COL27A1: variants seen among roughly 807,000 people sequenced by gnomAD.
The protein encoded by COL27A1 is collagen type XXVII alpha 1 chain, also known as collagen alpha-1(XXVII) chain.
In COL27A1, 106 loss-of-function variants were observed where a neutral mutation model predicts 251.3. That is an observed-to-expected ratio of 0.42 (90% CI 0.36 to 0.50). COL27A1 has a LOEUF of 0.50. Among genes scored for constraint, COL27A1 ranks in the 20% least tolerant of loss-of-function variants. COL27A1 has a pLI of 0.00. For synonymous variants in COL27A1, 1,000 were observed against 986.3 expected (o/e 1.01, Z -0.26); for missense variants, 2,325 against 2,522.8 (o/e 0.92, Z 1.68).
At chr9:114,163,727 G>T (rs747984623) in intron 2 of COL27A1, among the ~76,000 whole-genome samples, 1 of 152,218 alleles carries the variant, frequency 6.6e-6, no homozygotes, top group Non-Finnish European at 1.5e-5. Flanking sequence ...CCCTGGGAGG[G>T]CAGGGCTGTG....
At chr9:114,209,645 C>T (rs199799157) in intron 10 of COL27A1, 30 bp from the exon 11 acceptor site, 535 of 1,612,634 alleles carry the variant, frequency 3.3e-4, no homozygotes, top group African/African-American at 4.7e-4. Flanking sequence ...ACTGCTTGAC[C>T]GCTCTGACCC....
At chr9:114,197,970 G>A (rs1233881636) in intron 7 of COL27A1, among the ~76,000 whole-genome samples, 1 of 152,246 alleles carries the variant, frequency 6.6e-6, no homozygotes, top group Admixed American at 6.5e-5. Flanking sequence ...TGTGCCTGGG[G>A]CCACCATTGT....
chr9:114,243,063 G>A (rs1229951586), intron 22 of COL27A1, among the ~76,000 whole-genome samples: 2 of 152,216 alleles, frequency 1.3e-5, no homozygotes, highest in East Asian at 3.8e-4. Context: ...GAGTGAGAGT[G>A]ACAAAGGCGA....
intron 24 of COL27A1, 92 bp downstream of exon 24, chr9:114,246,002 C>T: frequency 3.6e-6 from 4 of 1,109,006 alleles, no homozygotes; most frequent in Non-Finnish European, 5.3e-6. Context: ...CATGCACCAC[C>T]TCGTGTAATT....
intron 55 of COL27A1, 90 bp downstream of exon 55, chr9:114,301,807 C>G (rs1009397933): frequency 4.5e-5 from 58 of 1,293,056 alleles, no homozygotes; most frequent in Non-Finnish European, 6.0e-5. Flanking sequence ...AAGCCTTGAC[C>G]CTGAACCCCA....
In COL27A1 at chr9:114,182,197, TA is replaced by T. The variant is rs1439488661; in HGVS notation, c.1963-820del. On this transcript the variant is annotated intron_variant, in intron 4 of 60. Transcript: ENST00000356083. ...CTATAAAATAATAATAATAAAATAA[TA>T]AAAATAATAAAATAAAAATAATAAT... Among the ~76,000 whole-genome samples the T allele has an allele frequency of 4.7e-3, 657 of 140,030 alleles. 14 individuals carry two copies. Among genetic ancestry groups the T allele is most frequent in the South Asian group, 0.039 (173 of 4,470 alleles). 91.9% of individuals were successfully genotyped at this position (140,030 alleles called of 152,430 possible). A position where few individuals can be genotyped will look rare whatever the true frequency, so the allele number is the denominator to read the frequency against.
chr9:114,281,783 C>G (rs1450963277), intron 37 of COL27A1, among the ~76,000 whole-genome samples: 2 of 152,172 alleles, frequency 1.3e-5, no homozygotes, highest in Non-Finnish European at 2.9e-5. Flanking sequence ...CAAGGCGCAG[C>G]TGGGACCCTG....
At chr9:114,270,199 T>C (rs1056118184) in intron 35 of COL27A1, among the ~76,000 whole-genome samples, 1 of 152,188 alleles carries the variant, frequency 6.6e-6, no homozygotes, top group African/African-American at 2.4e-5. Context: ...CACCATGCCT[T>C]ACAGCAACCC....
intron 11 of COL27A1, 122 bp downstream of exon 11, chr9:114,209,850 G>A (rs755940841): frequency 3.3e-5 from 29 of 887,796 alleles, no homozygotes; most frequent in South Asian, 3.2e-4. Context: ...CACTTGAGTC[G>A]AGTAGGAGTC....
In COL27A1 at chr9:114,275,736, C is replaced by G. The variant is rs545371748; in HGVS notation, c.3685C>G (p.Pro1229Ala). The change falls in exon 37 of 61, where the codon CCC (proline) becomes GCC (alanine). Residue 1229 changes from proline to alanine, a missense_variant. Physicochemically the swap from Pro to Ala is conservative, Grantham distance 27. This residue lies in a region of COL27A1 where 662 missense variants were observed against 795.3 expected (regional missense o/e 0.83). Transcript: ENST00000356083. ...GGAAGGGCTGATGGGTGAGGACGGG[C>G]CCCCCGGCCCCCCTGGCGTCACTGG... ...GQEGLMGEDG[P>A]PGPPGVTGVR... The G allele has an allele frequency of 1.3e-6, 2 of 1,545,106 alleles. No individual in the cohort carries two copies. Among genetic ancestry groups the G allele is most frequent in the Non-Finnish European group, 1.7e-6 (2 of 1,144,100 alleles).
intron 22 of COL27A1, 68 bp downstream of exon 22, chr9:114,242,299 A>G: frequency 1.4e-6 from 2 of 1,396,380 alleles, no homozygotes; most frequent in Non-Finnish European, 9.9e-7. Context: ...AGGCAGGGCA[A>G]CATCTGGCCA....
At chr9:114,259,995 T>TG (rs56029388) in intron 28 of COL27A1, among the ~76,000 whole-genome samples, 7,921 of 131,074 alleles carry the variant, frequency 0.06, 371 homozygotes, top group African/African-American at 0.15. Flanking sequence ...GTCCTCTGGG[T>TG]GGGGGGGGGG....
chr9:114,277,339 T>C (rs1766058), intron 37 of COL27A1, among the ~76,000 whole-genome samples: 50,151 of 151,846 alleles, frequency 0.33, 8,569 homozygotes, highest in Non-Finnish European at 0.36. Flanking sequence ...TGAGAACTCA[T>C]GCCTCTGCTG....
chr9:114,265,736 A>G (rs1564545540), intron 32 of COL27A1, among the ~76,000 whole-genome samples: 1 of 152,208 alleles, frequency 6.6e-6, no homozygotes, highest in Non-Finnish European at 1.5e-5. Context: ...TGAAGATGAA[A>G]TGCGAAAATG....
At chr9:114,181,537 T>C (rs10817577) in intron 4 of COL27A1, among the ~76,000 whole-genome samples, 50,653 of 152,058 alleles carry the variant, frequency 0.33, 8,569 homozygotes, top group South Asian at 0.42. Context: ...GAGGGCAGTG[T>C]GCCTAGAGGC....
intron 1 of COL27A1, among the ~76,000 whole-genome samples, chr9:114,156,807 G>C (rs959116016): frequency 6.6e-6 from 1 of 152,096 alleles, no homozygotes; most frequent in Non-Finnish European, 1.5e-5. Flanking sequence ...TTGTAAGAGA[G>C]AGTGAGCCTG....
intron 60 of COL27A1, 38 bp downstream of exon 60, chr9:114,309,516 G>C: frequency 6.5e-7 from 1 of 1,537,386 alleles, no homozygotes; most frequent in Non-Finnish European, 8.9e-7. Context: ...TTCATGTGGG[G>C]ACAACTGGAA....
intron 60 of COL27A1, 34 bp downstream of exon 60, chr9:114,309,512 TG>T: frequency 6.5e-7 from 1 of 1,540,618 alleles, no homozygotes; most frequent in South Asian, 1.1e-5. Context: ...GCCCTTCATG[TG>T]GGGACAACTG....
intron 49 of COL27A1, among the ~76,000 whole-genome samples, chr9:114,299,813 G>T (rs961917282): frequency 6.6e-6 from 1 of 152,236 alleles, no homozygotes; most frequent in African/African-American, 2.4e-5. Context: ...TCCTGAGTGT[G>T]GCAGAGCCTC....
Sources: allele counts gnomAD v4.1 joint callset (sites outside exome capture counted in the v4.1 genomes callset), GRCh38; gene constraint gnomAD v4.1.1; regional missense constraint gnomAD v4.1.1; transcripts MANE v1.5; gene names NCBI Gene and HGNC (gene_info 2026-07-23, HGNC 2026-07-21).